Variants in STPG2 observed in about 807,000 individuals in gnomAD.
STPG2 encodes sperm-tail PG-rich repeat-containing protein 2.
Under a neutral mutation model 54.2 loss-of-function variants are expected in STPG2, and 56 were observed. The observed-to-expected ratio is 1.03, with a 90% CI of 0.83 to 1.29. STPG2 has a LOEUF of 1.29. Ranked by LOEUF, STPG2 falls within the 50% of genes most tolerant of loss-of-function variation. The probability of loss-of-function intolerance (pLI) is 0.00; values close to 1 mark genes in which losing one functional copy is unlikely to be tolerated. For missense variants in STPG2, 596 were observed against 544.9 expected (o/e 1.09, Z -0.93); for synonymous variants, 200 against 181.8 (o/e 1.10, Z -0.81).
intron 10 of STPG2, among the ~76,000 whole-genome samples, chr4:97,711,120 A>G (rs1724103767): frequency 6.6e-6 from 1 of 152,162 alleles, no homozygotes; most frequent in African/African-American, 2.4e-5. Flanking sequence ...GCATCACAAA[A>G]TGAAACAGGA....
At chr4:97,531,999 A>C (rs1731426090) in intron 4 of STPG2, among the ~76,000 whole-genome samples, 1 of 152,186 alleles carries the variant, frequency 6.6e-6, no homozygotes, top group Non-Finnish European at 1.5e-5. Context: ...AACACCTACT[A>C]TGTACCCACA....
intron 8 of STPG2, among the ~76,000 whole-genome samples, chr4:97,912,072 C>A (rs371449672): frequency 2.0e-5 from 3 of 151,962 alleles, no homozygotes; most frequent in East Asian, 1.9e-4. Context: ...CGGAGTGGAC[C>A]CCCCAAAACA....
intron 9 of STPG2, among the ~76,000 whole-genome samples, chr4:97,834,022 G>A (rs1332569127): frequency 6.6e-6 from 1 of 152,024 alleles, no homozygotes; most frequent in Non-Finnish European, 1.5e-5. Flanking sequence ...ATACCCAAAG[G>A]ATTATAAATC....
chr4:97,911,354 C>T (rs1417903404), intron 8 of STPG2, among the ~76,000 whole-genome samples: 1 of 152,220 alleles, frequency 6.6e-6, no homozygotes, highest in Non-Finnish European at 1.5e-5. Context: ...AGGCCCCACT[C>T]CCAGAGCTCC....
chr4:97,536,505 C>A (rs1053894245), intron 4 of STPG2, among the ~76,000 whole-genome samples: 1 of 152,074 alleles, frequency 6.6e-6, no homozygotes, highest in Non-Finnish European at 1.5e-5. Flanking sequence ...CTAAGGCCTC[C>A]CCAGCCATGC....
intron 8 of STPG2, 142 bp from the exon 9 acceptor site, chr4:97,841,074 A>C (rs1728789258): frequency 2.3e-6 from 2 of 866,572 alleles, no homozygotes; most frequent in Non-Finnish European, 3.3e-6. Context: ...TAGAAACTTA[A>C]AAAGGAATTC....
At chr4:98,142,603 A>C (rs1412118561) in intron 1 of STPG2, among the ~76,000 whole-genome samples, 1 of 152,208 alleles carries the variant, frequency 6.6e-6, no homozygotes, top group African/African-American at 2.4e-5. Context: ...ATAATACTGC[A>C]AAATAGAAAT....
At chr4:97,918,407 CTATA>C (rs1423951076) in intron 8 of STPG2, among the ~76,000 whole-genome samples, 3 of 152,076 alleles carry the variant, frequency 2.0e-5, no homozygotes, top group Non-Finnish European at 4.4e-5. Flanking sequence ...GGAGAACTCT[CTATA>C]TATCACAAAG....
intron 10 of STPG2, among the ~76,000 whole-genome samples, chr4:97,634,214 A>C (rs1578440402): frequency 6.6e-6 from 1 of 152,072 alleles, no homozygotes; most frequent in Admixed American, 6.5e-5. Flanking sequence ...ACTGGGAGGC[A>C]CCCTCCAGCA....
chr4:97,753,636 A>T (rs1429231618), intron 9 of STPG2, among the ~76,000 whole-genome samples: 1 of 151,910 alleles, frequency 6.6e-6, no homozygotes, highest in Non-Finnish European at 1.5e-5. Context: ...TTATATTCCC[A>T]CCAGTAATGC....
chr4:97,813,635 A>C (rs1252414310), intron 9 of STPG2, among the ~76,000 whole-genome samples: 1 of 129,384 alleles, frequency 7.7e-6, no homozygotes, highest in Non-Finnish European at 1.6e-5. Context: ...TGAGCCCAGG[A>C]GTTCAAGTCC....
At chr4:97,937,199 G>C (rs1732778409) in intron 8 of STPG2, among the ~76,000 whole-genome samples, 1 of 151,820 alleles carries the variant, frequency 6.6e-6, no homozygotes, top group Non-Finnish European at 1.5e-5. Context: ...GCATTATAAA[G>C]TTCTTGTGGT....
rs1415704693 is a variant in STPG2 at position 98,020,336 on chromosome 4, A to G, written c.613-39018T>C. On this transcript the variant is annotated intron_variant, in intron 5 of 10. Transcript: ENST00000295268. The stretch of plus-strand genomic sequence containing the variant: ...GGATTACATTTATTGATTTGCATAT[A>G]TTGAACCAGCCTTGCATCCCAGGGA... 4.9e-4 allele frequency among the ~76,000 whole-genome samples: 68 copies of G among 138,294 alleles called. 1 individual carries two copies. The highest frequency in any genetic ancestry group is 4.8e-5 in the Non-Finnish European group (3 of 62,772). 90.7% of individuals were successfully genotyped at this position (138,294 alleles called of 152,430 possible).
intron 8 of STPG2, among the ~76,000 whole-genome samples, chr4:97,849,508 C>T (rs1224081050): frequency 6.6e-5 from 10 of 151,770 alleles, no homozygotes; most frequent in Non-Finnish European, 1.3e-4. Flanking sequence ...AGAAAATTTT[C>T]GCAACCTACT....
At chr4:97,499,535 C>T (rs887170017) in intron 4 of STPG2, among the ~76,000 whole-genome samples, 3 of 151,758 alleles carry the variant, frequency 2.0e-5, no homozygotes, top group African/African-American at 7.3e-5. Context: ...TTCTTCATGG[C>T]ATTGATCATG....
chr4:97,576,979 CAT>C (rs1732740284), intron 10 of STPG2, among the ~76,000 whole-genome samples: 1 of 152,070 alleles, frequency 6.6e-6, no homozygotes. Flanking sequence ...TACCAATAAA[CAT>C]ATGAAAAATG....
chr4:97,721,148 C>T (rs769569191), intron 9 of STPG2, among the ~76,000 whole-genome samples: 1 of 152,008 alleles, frequency 6.6e-6, no homozygotes, highest in Non-Finnish European at 1.5e-5. Context: ...GCACGTATAG[C>T]AAGAGATGAA....
At chr4:97,555,145 C>G (rs1413578451), downstream of STPG2, among the ~76,000 whole-genome samples, 1 of 152,134 alleles carries the variant, frequency 6.6e-6, no homozygotes, top group East Asian at 1.9e-4. Flanking sequence ...GCTTTTCTGG[C>G]ATGCTTGTCT....
intron 10 of STPG2, among the ~76,000 whole-genome samples, chr4:97,581,714 G>A (rs1477060050): frequency 6.6e-6 from 1 of 152,018 alleles, no homozygotes; most frequent in African/African-American, 2.4e-5. Flanking sequence ...CAGGAGAACT[G>A]TATGCTCTGA....
Sources: gnomAD v4.1 joint callset for allele counts (sites outside exome capture counted in the v4.1 genomes callset) on GRCh38, gnomAD v4.1.1 for gene constraint, MANE v1.5 for transcripts, NCBI Gene and HGNC (gene_info 2026-07-23, HGNC 2026-07-21) for gene names.